Variants in KCNH1 observed in about 807,000 individuals in gnomAD.
KCNH1 encodes the protein potassium voltage-gated channel subfamily H member 1.
In KCNH1, 27 loss-of-function variants were observed where a neutral mutation model predicts 69.2. The observed-to-expected ratio is 0.39, with a 90% CI of 0.29 to 0.54. KCNH1 has a LOEUF of 0.54. Among genes scored for constraint, KCNH1 ranks in the 20% least tolerant of loss-of-function variants. The pLI is 0.68. For missense variants in KCNH1, 798 were observed against 1,261.6 expected (o/e 0.63, Z 5.57); for synonymous variants, 456 against 487.7 (o/e 0.93, Z 0.86).
chr1:210,690,408 G>C (rs544160783), intron 10 of KCNH1, among the ~76,000 whole-genome samples: 1 of 152,128 alleles, frequency 6.6e-6, no homozygotes, highest in Admixed American at 6.5e-5. Context: ...GTGGCCGAGC[G>C]TCAGAAGGGC....
intron 7 of KCNH1, among the ~76,000 whole-genome samples, chr1:210,836,074 T>C (rs1685273438): frequency 7.5e-6 from 1 of 133,806 alleles, no homozygotes; most frequent in Admixed American, 8.6e-5. Flanking sequence ...ATTGCACCAC[T>C]GCACTCCAGC....
chr1:210,998,879 A>G (rs576826676), intron 6 of KCNH1, among the ~76,000 whole-genome samples: 1 of 152,334 alleles, frequency 6.6e-6, no homozygotes, highest in South Asian at 2.1e-4. Context: ...CGCTCAAACT[A>G]CATGGAAACT....
chr1:210,963,624 C>A (rs751926652), intron 6 of KCNH1, among the ~76,000 whole-genome samples: 1 of 151,726 alleles, frequency 6.6e-6, no homozygotes, highest in African/African-American at 2.4e-5. Context: ...AAAAACACAG[C>A]GCAAGAACTT....
intron 10 of KCNH1, among the ~76,000 whole-genome samples, chr1:210,737,567 G>C (rs1156676651): frequency 1.3e-5 from 2 of 152,148 alleles, no homozygotes; most frequent in African/African-American, 4.8e-5. Context: ...AATGGCTCCT[G>C]AATTTATATA....
At chr1:210,716,927 G>A (rs1196678392) in intron 10 of KCNH1, among the ~76,000 whole-genome samples, 1 of 152,172 alleles carries the variant, frequency 6.6e-6, no homozygotes, top group African/African-American at 2.4e-5. Flanking sequence ...ACAAACCCAT[G>A]TGTGACCCTC....
At chr1:211,000,743 C>T (rs150813206) in intron 6 of KCNH1, among the ~76,000 whole-genome samples, 1,869 of 152,208 alleles carry the variant, frequency 0.012, 44 homozygotes, top group African/African-American at 0.042. Flanking sequence ...GGAGGCATCA[C>T]GCTACCTGAC....
chr1:211,125,284 G>T (rs114843935), intron 1 of KCNH1, among the ~76,000 whole-genome samples: 2,025 of 152,266 alleles, frequency 0.013, 42 homozygotes, highest in African/African-American at 0.046. Flanking sequence ...CCTCCAACAA[G>T]AGACAGGCTG....
intron 5 of KCNH1, among the ~76,000 whole-genome samples, chr1:211,044,594 G>A (rs1690058519): frequency 6.6e-6 from 1 of 152,056 alleles, no homozygotes; most frequent in Non-Finnish European, 1.5e-5. Flanking sequence ...CAAAAAGTGG[G>A]CTATGGACAT....
chr1:210,859,134 C>A, intron 7 of KCNH1: 1 of 1,199,212 alleles, frequency 8.3e-7, no homozygotes, highest in Non-Finnish European at 1.2e-6. Flanking sequence ...GGAACACAAG[C>A]TCTTCACTAC....
chr1:210,912,655 G>A (rs1173793185), intron 7 of KCNH1, among the ~76,000 whole-genome samples: 1 of 152,154 alleles, frequency 6.6e-6, no homozygotes. Flanking sequence ...GGAAGCACTA[G>A]GCTAGGTACT....
rs1412400215 is a variant in KCNH1 at position 210,803,986 on chromosome 1, C to T, written c.1643G>A (p.Arg548Lys). The change falls in exon 8 of 11, where the codon AGA (arginine) becomes AAA (lysine). Residue 548 changes from arginine to lysine, a missense_variant. Physicochemically the swap from Arg to Lys is conservative, Grantham distance 26. This residue lies in a region of KCNH1 where 197 missense variants were observed against 407.7 expected (regional missense o/e 0.48). Transcript: ENST00000271751. ...DYIVSTWSMS[R>K]GIDTEKVLQI... ...CCTTACCTTCTCTGTGTCAATGCCT[C>T]TGGACATGGACCAAGTGGACACAAT... The T allele has an allele frequency of 3.1e-6, 5 of 1,614,002 alleles. No individual in the cohort carries two copies. Among genetic ancestry groups the T allele is most frequent in the Non-Finnish European group, 4.2e-6 (5 of 1,179,988 alleles).
At chr1:210,923,567 GC>G (rs1177272470) in intron 6 of KCNH1, among the ~76,000 whole-genome samples, 3 of 152,246 alleles carry the variant, frequency 2.0e-5, no homozygotes, top group African/African-American at 7.2e-5. Flanking sequence ...GCACGACTGT[GC>G]CTGCTCAGAC....
intron 5 of KCNH1, among the ~76,000 whole-genome samples, chr1:211,066,616 A>G (rs922238988): frequency 1.2e-4 from 19 of 152,212 alleles, no homozygotes; most frequent in African/African-American, 4.6e-4. Context: ...TAGGGTTCAT[A>G]TTAAGAATCT....
intron 6 of KCNH1, among the ~76,000 whole-genome samples, chr1:210,946,691 T>G (rs1687964791): frequency 6.6e-6 from 1 of 152,176 alleles, no homozygotes; most frequent in African/African-American, 2.4e-5. Flanking sequence ...GGCCCCTGCC[T>G]GCTCCTCCTG....
At chr1:210,920,115 C>A (rs567530721) in intron 6 of KCNH1, 46 bp from the exon 7 acceptor site, 2 of 1,555,356 alleles carry the variant, frequency 1.3e-6, no homozygotes, top group Admixed American at 3.4e-5. Flanking sequence ...ACCAAAGATA[C>A]TACTCTCGTC....
intron 7 of KCNH1, among the ~76,000 whole-genome samples, chr1:210,885,453 C>T (rs945618731): frequency 2.0e-5 from 3 of 152,174 alleles, no homozygotes; most frequent in South Asian, 2.1e-4. Flanking sequence ...ACCACCAGGG[C>T]CCTGGGTTTC....
chr1:210,859,762 CAG>C lies in KCNH1; in HGVS notation c.1463-55598_1463-55597del, dbSNP rs1685935426. 15 of 1,043,038 alleles carry C rather than the reference CAG, an allele frequency of 1.4e-5. 1 individual carries two copies. In the South Asian group the frequency reaches 1.6e-4, roughly 11 times the overall value. 64.6% of individuals were successfully genotyped at this position (1,043,038 alleles called of 1,614,324 possible). ...TATCTGTTCCATATCAATAAGAGCA[CAG>C]AGACTGAGAACACACATCCTTCTGT... On this transcript the variant is annotated intron_variant, in intron 7 of 10. Coordinates refer to ENST00000271751, the MANE Select transcript of KCNH1 (RefSeq NM_172362.3).
At chr1:210,689,425 ATG>A (rs1681481440) in intron 10 of KCNH1, among the ~76,000 whole-genome samples, 1 of 152,186 alleles carries the variant, frequency 6.6e-6, no homozygotes, top group South Asian at 2.1e-4. Flanking sequence ...TAGGAGGGGA[ATG>A]GACTTGCTGG....
chr1:210,980,819 A>ATGTG (rs57591026), intron 6 of KCNH1, among the ~76,000 whole-genome samples: 56 of 148,972 alleles, frequency 3.8e-4, no homozygotes, highest in African/African-American at 7.2e-4. Context: ...GTATTAGACA[A>ATGTG]TGTGTGTGTG....
Sources: allele counts gnomAD v4.1 joint callset (sites outside exome capture counted in the v4.1 genomes callset), GRCh38; gene constraint gnomAD v4.1.1; regional missense constraint gnomAD v4.1.1; transcripts MANE v1.5; gene names NCBI Gene and HGNC (gene_info 2026-07-23, HGNC 2026-07-21).